Variants in WDR49 observed in about 807,000 individuals in gnomAD.
WDR49 encodes WD repeat domain 49.
Under a neutral mutation model 119.5 loss-of-function variants are expected in WDR49, and 107 were observed. The observed-to-expected ratio is 0.90, with a 90% CI of 0.77 to 1.05. The LOEUF is 1.05. WDR49 is among the 50% of genes least tolerant of loss of function. The pLI is 0.00. For synonymous variants in WDR49, 425 were observed against 418.8 expected (o/e 1.01, Z -0.18); for missense variants, 1,240 against 1,220.5 (o/e 1.02, Z -0.24).
chr3:167,544,326 T>C (rs1712030432), intron 10 of WDR49, among the ~76,000 whole-genome samples: 2 of 152,040 alleles, frequency 1.3e-5, no homozygotes, highest in Admixed American at 1.3e-4. Context: ...CTAAAATTCA[T>C]ATTGAACCTA....
chr3:167,621,502 C>A lies in WDR49; in HGVS notation c.748G>T (p.Glu250Ter), dbSNP rs1577283304. 1 of 1,534,526 alleles carries A rather than the reference C, an allele frequency of 6.5e-7. No homozygotes were observed. The highest frequency in any genetic ancestry group is 1.2e-5 in the South Asian group (1 of 83,712). ...DYWYDPLDAN[E>*]SILSFGDITG... ...ATATCCCCAAAAGAAAGAATTGATT[C>A]ATTGGCATCAAGAGGATCATACCAA... Residue 250 changes from glutamate to a stop codon, truncating the protein, a stop_gained, in exon 4 of 19, where the codon GAA becomes TAA. Coordinates refer to ENST00000682715, the MANE Select transcript of WDR49 (RefSeq NM_001366157.1). LOFTEE classifies it high-confidence loss of function.
At chr3:167,509,461 T>C (rs1751885121) in intron 16 of WDR49, among the ~76,000 whole-genome samples, 1 of 152,230 alleles carries the variant, frequency 6.6e-6, no homozygotes, top group South Asian at 2.1e-4. Flanking sequence ...CAAAGGTTAA[T>C]AAACCTGAAA....
intron 10 of WDR49, among the ~76,000 whole-genome samples, chr3:167,539,622 A>G (rs1371667167): frequency 1.3e-5 from 2 of 152,204 alleles, no homozygotes; most frequent in South Asian, 2.1e-4. Flanking sequence ...TACAGTAGCA[A>G]GCATAGTGAC....
chr3:167,638,954 C>A (rs1173228357), intron 2 of WDR49, among the ~76,000 whole-genome samples: 1 of 151,544 alleles, frequency 6.6e-6, no homozygotes, highest in Non-Finnish European at 1.5e-5. Flanking sequence ...GGCAAAAAAT[C>A]AATAAATCTT....
intron 5 of WDR49, among the ~76,000 whole-genome samples, chr3:167,610,722 G>A (rs1203057449): frequency 2.0e-5 from 3 of 152,210 alleles, no homozygotes; most frequent in Non-Finnish European, 4.4e-5. Flanking sequence ...GATTAAAGCA[G>A]GTCTTGAGCG....
At chr3:167,513,913 A>G (rs1270388477) in intron 16 of WDR49, among the ~76,000 whole-genome samples, 1 of 152,240 alleles carries the variant, frequency 6.6e-6, no homozygotes, top group Non-Finnish European at 1.5e-5. Flanking sequence ...AGAGCTAACT[A>G]TGCTAAATAT....
At chr3:167,516,618 A>G (rs1752216803) in intron 16 of WDR49, among the ~76,000 whole-genome samples, 1 of 152,142 alleles carries the variant, frequency 6.6e-6, no homozygotes, top group African/African-American at 2.4e-5. Context: ...TATACCCAGT[A>G]ATGGGATGGC....
At chr3:167,569,363 G>T (rs1713796718) in intron 8 of WDR49, among the ~76,000 whole-genome samples, 1 of 152,126 alleles carries the variant, frequency 6.6e-6, no homozygotes, top group South Asian at 2.1e-4. Flanking sequence ...TTTTGTAATA[G>T]ATTTGTGTAT....
intron 16 of WDR49, among the ~76,000 whole-genome samples, chr3:167,521,991 TAGATAGATAGATAGATAG>T (rs1560266114): frequency 3.6e-4 from 51 of 141,638 alleles, no homozygotes; most frequent in Admixed American, 1.6e-3. Flanking sequence ...GATAGATAGA[TAGATAGATAGATAGATAG>T]ATAGATAGAT....
At chr3:167,490,709 C>T (rs1577193358) in intron 18 of WDR49, among the ~76,000 whole-genome samples, 1 of 152,078 alleles carries the variant, frequency 6.6e-6, no homozygotes, top group African/African-American at 2.4e-5. Context: ...CTCCAGCACA[C>T]CCTTCTGGGT....
chr3:167,532,765 C>T (rs1429754178), intron 12 of WDR49, 114 bp downstream of exon 12: 1 of 671,728 alleles, frequency 1.5e-6, no homozygotes, highest in African/African-American at 1.8e-5. Context: ...ATCCTTCAGG[C>T]TTATAGCCAA....
At chr3:167,586,499 T>TA (rs987059659) in intron 7 of WDR49, among the ~76,000 whole-genome samples, 1 of 152,236 alleles carries the variant, frequency 6.6e-6, no homozygotes, top group African/African-American at 2.4e-5. Flanking sequence ...TTTGTAGATT[T>TA]AAATTGCTTT....
Position 167,621,774 on chromosome 3 carries a change from A to G in WDR49, c.607-131T>C, listed in dbSNP as rs1445488933. ...TGAGGATCCTTAACAGTATTACAGA[A>G]GTTAAGAACAGCGGCACAAATGTAC... is the stretch of plus-strand genomic sequence containing the variant. On this transcript the variant is annotated intron_variant, in intron 3 of 18. Coordinates refer to ENST00000682715, the MANE Select transcript of WDR49 (RefSeq NM_001366157.1). The G allele has an allele frequency of 1.3e-5, 11 of 845,852 alleles. No homozygotes were observed. In the East Asian group the frequency reaches 3.0e-4, roughly 23 times the overall value. The allele number at this position is 845,852 out of a possible 1,614,324, so 52.4% of individuals were successfully genotyped here.
intron 5 of WDR49, among the ~76,000 whole-genome samples, chr3:167,619,076 C>G (rs752490973): frequency 1.2e-4 from 19 of 152,258 alleles, no homozygotes; most frequent in Non-Finnish European, 2.5e-4. Flanking sequence ...CTTTCTAAGA[C>G]AGCTTTCTAT....
At chr3:167,575,769 T>C in intron 8 of WDR49, 149 bp downstream of exon 8, 1 of 747,888 alleles carries the variant, frequency 1.3e-6, no homozygotes, top group Non-Finnish European at 2.1e-6. Context: ...TGTATATTAT[T>C]GCAGAAAAGC....
intron 5 of WDR49, among the ~76,000 whole-genome samples, chr3:167,607,091 G>A (rs971560447): frequency 9.9e-5 from 15 of 152,136 alleles, no homozygotes; most frequent in African/African-American, 3.6e-4. Flanking sequence ...TTCTCTATAC[G>A]GCATTCCTTT....
chr3:167,600,473 AT>A (rs764955759), intron 7 of WDR49, among the ~76,000 whole-genome samples: 4 of 152,076 alleles, frequency 2.6e-5, no homozygotes, highest in Non-Finnish European at 4.4e-5. Context: ...TGCTCACCTG[AT>A]TTTTTTGGTT....
intron 8 of WDR49, among the ~76,000 whole-genome samples, chr3:167,561,467 C>A (rs1244722133): frequency 6.6e-6 from 1 of 152,012 alleles, no homozygotes; most frequent in Non-Finnish European, 1.5e-5. Context: ...TGACCTATGA[C>A]CTGCTGGTCT....
At chr3:167,511,115 G>A (rs529987144) in intron 16 of WDR49, among the ~76,000 whole-genome samples, 1 of 152,238 alleles carries the variant, frequency 6.6e-6, no homozygotes, top group East Asian at 1.9e-4. Context: ...ATTTTATTGT[G>A]TTTGTATAAT....
Sources: allele counts gnomAD v4.1 joint callset (sites outside exome capture counted in the v4.1 genomes callset), GRCh38; gene constraint gnomAD v4.1.1; transcripts MANE v1.5; gene names NCBI Gene and HGNC (gene_info 2026-07-23, HGNC 2026-07-21).